Variants in CADPS2 observed in about 807,000 individuals in gnomAD.
The protein encoded by CADPS2 is calcium-dependent secretion activator 2.
In CADPS2, 93 loss-of-function variants were observed where a neutral mutation model predicts 172.5. That is an observed-to-expected ratio of 0.54 (90% confidence interval 0.46 to 0.64). CADPS2 has a LOEUF of 0.64. Ranked by LOEUF, CADPS2 falls within the 30% of genes least tolerant of loss-of-function variation. The pLI is 0.00. For missense variants in CADPS2, 1,420 were observed against 1,565.9 expected (o/e 0.91, Z 1.57); for synonymous variants, 546 against 555.2 (o/e 0.98, Z 0.23).
At chr7:122,538,763 T>C (rs1407454229) in intron 8 of CADPS2, among the ~76,000 whole-genome samples, 1 of 152,064 alleles carries the variant, frequency 6.6e-6, no homozygotes, top group Non-Finnish European at 1.5e-5. Flanking sequence ...TCATTCCTGA[T>C]TATACATAGT....
chr7:122,663,235 A>G lies in CADPS2; in HGVS notation c.786+2T>C, dbSNP rs2080807940. 1.3e-6 allele frequency: 2 copies of G among 1,599,490 alleles called. No homozygotes were observed. Among genetic ancestry groups the G allele is most frequent in the Non-Finnish European group, 1.7e-6 (2 of 1,168,436 alleles). The stretch of plus-strand genomic sequence containing the variant: ...GAAGGGAAAATATCAGAGACCACTT[A>G]CCTGACATGCATTATAAAGGAGCTG... On this transcript the variant is annotated splice_donor_variant, in intron 3 of 29. Transcript: ENST00000449022. LOFTEE classifies it high-confidence loss of function.
chr7:122,672,492 C>T (rs1158550392), intron 2 of CADPS2, among the ~76,000 whole-genome samples: 2 of 152,190 alleles, frequency 1.3e-5, no homozygotes, highest in Non-Finnish European at 1.5e-5. Flanking sequence ...TCCTTTAATC[C>T]TTACAGTCAC....
At chr7:122,583,525 T>C (rs574765873) in intron 6 of CADPS2, among the ~76,000 whole-genome samples, 15 of 151,806 alleles carry the variant, frequency 9.9e-5, no homozygotes, top group Non-Finnish European at 1.8e-4. Flanking sequence ...TAGTCTTTTA[T>C]AGGTAAAAAA....
At chr7:122,703,928 C>A (rs1327589977) in intron 2 of CADPS2, among the ~76,000 whole-genome samples, 5 of 152,056 alleles carry the variant, frequency 3.3e-5, no homozygotes, top group African/African-American at 1.2e-4. Flanking sequence ...ATTACAGAAT[C>A]TTTACGGCTT....
intron 1 of CADPS2, among the ~76,000 whole-genome samples, chr7:122,817,490 G>A (rs1220584137): frequency 1.3e-5 from 2 of 152,074 alleles, no homozygotes; most frequent in African/African-American, 4.8e-5. Flanking sequence ...AAACTCTGGC[G>A]CCGGTCACAG....
chr7:122,515,825 A>T (rs1364576863), intron 8 of CADPS2, among the ~76,000 whole-genome samples: 1 of 139,172 alleles, frequency 7.2e-6, no homozygotes, highest in African/African-American at 2.8e-5. Context: ...TAATAAAAAA[A>T]TTAATTAAAA....
intron 11 of CADPS2, among the ~76,000 whole-genome samples, chr7:122,489,355 C>G: frequency 6.6e-6 from 1 of 151,966 alleles, no homozygotes; most frequent in East Asian, 1.9e-4. Context: ...GAATAAAAAG[C>G]CACAAGTTGA....
At chr7:122,716,404 C>G (rs2089604377) in intron 2 of CADPS2, among the ~76,000 whole-genome samples, 1 of 152,108 alleles carries the variant, frequency 6.6e-6, no homozygotes, top group African/African-American at 2.4e-5. Flanking sequence ...AAAATACAAC[C>G]TACGTCTCTA....
chr7:122,330,062 A>G (rs547129659), intron 28 of CADPS2, among the ~76,000 whole-genome samples: 8 of 152,336 alleles, frequency 5.3e-5, no homozygotes, highest in African/African-American at 1.9e-4. Flanking sequence ...GACAAAGAAA[A>G]GGAAAGAAAA....
chr7:122,714,954 T>C (rs918586818), intron 2 of CADPS2, among the ~76,000 whole-genome samples: 1 of 152,134 alleles, frequency 6.6e-6, no homozygotes, highest in Non-Finnish European at 1.5e-5. Flanking sequence ...TTAAACGTCA[T>C]ACAGCTATAA....
intron 29 of CADPS2, 96 bp from the exon 30 acceptor site, chr7:122,320,434 A>C: frequency 1.1e-6 from 1 of 912,602 alleles, no homozygotes; most frequent in Non-Finnish European, 1.6e-6. Context: ...ATCTTGGGGA[A>C]TCCACTGATA....
At chr7:122,326,622 G>T (rs1214340290) in intron 28 of CADPS2, among the ~76,000 whole-genome samples, 1 of 151,880 alleles carries the variant, frequency 6.6e-6, no homozygotes. Context: ...CATAATGACA[G>T]TCCAGATCAC....
At chr7:122,599,607 C>A (rs549623851) in intron 6 of CADPS2, among the ~76,000 whole-genome samples, 15 of 151,998 alleles carry the variant, frequency 9.9e-5, no homozygotes, top group African/African-American at 3.6e-4. Context: ...AAGATATCCC[C>A]GGAAGAGAAG....
At chr7:122,560,806 T>A (rs908702863) in intron 7 of CADPS2, among the ~76,000 whole-genome samples, 1 of 152,210 alleles carries the variant, frequency 6.6e-6, no homozygotes, top group Non-Finnish European at 1.5e-5. Context: ...AGCAAATCTT[T>A]CAAATACCTT....
intron 9 of CADPS2, among the ~76,000 whole-genome samples, chr7:122,493,035 A>C (rs2058437780): frequency 6.6e-6 from 1 of 152,188 alleles, no homozygotes; most frequent in African/African-American, 2.4e-5. Flanking sequence ...ATTATGAAAG[A>C]CAGAGAAAAT....
At position 122,671,094 on chromosome 7, in the gene CADPS2, C is replaced by T. The variant is rs139603503; in HGVS notation, c.454-7525G>A. On this transcript the variant is annotated intron_variant, in intron 2 of 29. Coordinates refer to ENST00000449022, the MANE Select transcript of CADPS2 (RefSeq NM_017954.11). ...AGGCTTGGCTAGATCCTGTATCGTA[C>T]GCTGTTACAGGACCTTTTCTTTTTT... Among the ~76,000 whole-genome samples, 278 of 152,268 alleles carry T rather than the reference C, an allele frequency of 1.8e-3. 1 individual carries two copies. The highest frequency in any genetic ancestry group is 6.4e-3 in the African/African-American group (266 of 41,548).
intron 20 of CADPS2, among the ~76,000 whole-genome samples, chr7:122,397,850 C>T (rs1478321429): frequency 6.6e-6 from 1 of 152,146 alleles, no homozygotes; most frequent in Non-Finnish European, 1.5e-5. Context: ...TGACACCATA[C>T]TCAAGTATGA....
At chr7:122,352,704 G>A (rs924408789) in intron 27 of CADPS2, among the ~76,000 whole-genome samples, 3 of 152,168 alleles carry the variant, frequency 2.0e-5, no homozygotes, top group African/African-American at 4.8e-5. Flanking sequence ...AAAGCTCCGA[G>A]TATTCAGGTG....
In CADPS2 at chr7:122,623,841, G is replaced by A. The variant is rs1449402077; in HGVS notation, c.868-2124C>T. 2.0e-5 allele frequency among the ~76,000 whole-genome samples: 3 copies of A among 152,152 alleles called. No homozygotes were observed. The East Asian group carries it at 5.8e-4, about 29-fold the overall frequency. On this transcript the variant is annotated intron_variant, in intron 4 of 29. Coordinates refer to ENST00000449022, the MANE Select transcript of CADPS2 (RefSeq NM_017954.11). ...AAAAAGGCGAGCATGTCACGTATCT[G>A]AAAGTTCTGATATACTAACGCTTTG...
Sources: gnomAD v4.1 joint callset for allele counts (sites outside exome capture counted in the v4.1 genomes callset) on GRCh38, gnomAD v4.1.1 for gene constraint, MANE v1.5 for transcripts, NCBI Gene and HGNC (gene_info 2026-07-23, HGNC 2026-07-21) for gene names.